CFAP299: variants seen among roughly 807,000 people sequenced by gnomAD.
CFAP299 encodes the protein cilia- and flagella-associated protein 299.
In CFAP299, 21 loss-of-function variants were observed where a neutral mutation model predicts 27.0. The observed-to-expected ratio is 0.78, with a 90% CI of 0.55 to 1.12. The LOEUF (loss-of-function observed/expected upper bound fraction) is 1.12, where lower values mean the gene tolerates loss of function less well. Among genes scored for constraint, CFAP299 ranks in the 50% most tolerant of loss-of-function variants. The pLI is 0.00. For missense variants in CFAP299, 310 were observed against 276.6 expected, an observed-to-expected ratio of 1.12 and a Z score of -0.86; for synonymous variants, 104 against 98.1, an observed-to-expected ratio of 1.06 and a Z score of -0.36.
At chr4:80,401,694 C>T (rs1376567969) in intron 2 of CFAP299, among the ~76,000 whole-genome samples, 1 of 152,170 alleles carries the variant, frequency 6.6e-6, no homozygotes, top group East Asian at 1.9e-4. Context: ...GAGCCCTCCC[C>T]AAGCAGAGTC....
intron 5 of CFAP299, among the ~76,000 whole-genome samples, chr4:80,947,286 C>T (rs989928346): frequency 4.6e-5 from 7 of 151,984 alleles, no homozygotes; most frequent in African/African-American, 1.5e-4. Flanking sequence ...AATTATTAGG[C>T]GAGACATACA....
At chr4:80,939,278 T>C (rs1284940932) in intron 4 of CFAP299, among the ~76,000 whole-genome samples, 2 of 152,226 alleles carry the variant, frequency 1.3e-5, no homozygotes, top group Non-Finnish European at 2.9e-5. Flanking sequence ...TCTTTTTCTC[T>C]GTTCCTTCTG....
At chr4:80,396,792 T>C (rs1725821081) in intron 2 of CFAP299, among the ~76,000 whole-genome samples, 2 of 152,236 alleles carry the variant, frequency 1.3e-5, no homozygotes, top group South Asian at 2.1e-4. Context: ...AGTATTTTAC[T>C]GAGGATTTTA....
chr4:80,518,498 A>G (rs1377630546), intron 2 of CFAP299, among the ~76,000 whole-genome samples: 1 of 152,212 alleles, frequency 6.6e-6, no homozygotes, highest in Admixed American at 6.5e-5. Flanking sequence ...GGGCAAGAAC[A>G]TAAAGAAAAT....
At chr4:80,850,225 C>T (rs1578181146) in intron 3 of CFAP299, among the ~76,000 whole-genome samples, 2 of 139,258 alleles carry the variant, frequency 1.4e-5, no homozygotes, top group South Asian at 2.4e-4. Flanking sequence ...AGCTTTATGG[C>T]GGTGGGGGGG....
chr4:80,861,890 ACT>A (rs1459481573), intron 3 of CFAP299, among the ~76,000 whole-genome samples: 1 of 151,960 alleles, frequency 6.6e-6, no homozygotes, highest in African/African-American at 2.4e-5. Context: ...TTTTTAATTC[ACT>A]CTTTTGGATT....
intron 3 of CFAP299, among the ~76,000 whole-genome samples, chr4:80,846,265 G>C (rs759695979): frequency 6.6e-6 from 1 of 152,176 alleles, no homozygotes; most frequent in African/African-American, 2.4e-5. Context: ...GTTTCAAAGG[G>C]ATAAGAGAAG....
intron 4 of CFAP299, among the ~76,000 whole-genome samples, chr4:80,882,706 A>G (rs952076470): frequency 6.6e-6 from 1 of 152,286 alleles, no homozygotes; most frequent in Non-Finnish European, 1.5e-5. Context: ...TAATCACCAT[A>G]AGACTATAAG....
intron 3 of CFAP299, 53 bp downstream of exon 3, chr4:80,583,236 A>G (rs1001476675): frequency 1.0e-6 from 1 of 1,001,602 alleles, no homozygotes; most frequent in African/African-American, 1.7e-5. Context: ...TGCACAATTA[A>G]TATTAAAAAA....
chr4:80,888,446 A>G (rs770494421), intron 4 of CFAP299, among the ~76,000 whole-genome samples: 9 of 152,180 alleles, frequency 5.9e-5, no homozygotes, highest in South Asian at 2.1e-4. Context: ...GATTGGAAAT[A>G]TATGTGCACC....
chr4:80,372,281 A>G (rs1333719389), intron 2 of CFAP299, among the ~76,000 whole-genome samples: 3 of 152,202 alleles, frequency 2.0e-5, no homozygotes, highest in Non-Finnish European at 2.9e-5. Flanking sequence ...ATCTGCCCCC[A>G]TGATCCAATC....
At chr4:80,400,954 A>G (rs1726120339) in intron 2 of CFAP299, among the ~76,000 whole-genome samples, 1 of 152,210 alleles carries the variant, frequency 6.6e-6, no homozygotes, top group East Asian at 1.9e-4. Flanking sequence ...ATCTGGAGTA[A>G]AATGACTGTT....
At chr4:80,798,889 C>T (rs932495858) in intron 3 of CFAP299, among the ~76,000 whole-genome samples, 4 of 151,590 alleles carry the variant, frequency 2.6e-5, no homozygotes, top group African/African-American at 9.7e-5. Context: ...AAACAGTTAA[C>T]AGCAAGGATT....
chr4:80,568,746 T>A (rs1485467726), intron 2 of CFAP299, among the ~76,000 whole-genome samples: 1 of 152,030 alleles, frequency 6.6e-6, no homozygotes, highest in Non-Finnish European at 1.5e-5. Context: ...ATGGAGCACA[T>A]GATTTTTGAG....
chr4:80,796,070 C>A (rs1167417827), intron 3 of CFAP299, among the ~76,000 whole-genome samples: 1 of 152,192 alleles, frequency 6.6e-6, no homozygotes, highest in Non-Finnish European at 1.5e-5. Context: ...GGACTCAAAA[C>A]TGGCAGCCTT....
intron 2 of CFAP299, among the ~76,000 whole-genome samples, chr4:80,498,102 G>A (rs1220360386): frequency 6.6e-6 from 1 of 152,124 alleles, no homozygotes; most frequent in East Asian, 1.9e-4. Flanking sequence ...ACTCAGGATG[G>A]ATTAATGACT....
At chr4:80,499,203 A>G (rs945047007) in intron 2 of CFAP299, among the ~76,000 whole-genome samples, 1 of 152,170 alleles carries the variant, frequency 6.6e-6, no homozygotes, top group Non-Finnish European at 1.5e-5. Context: ...AGATTTACCC[A>G]TATAACACAT....
intron 3 of CFAP299, among the ~76,000 whole-genome samples, chr4:80,774,826 G>T (rs1488383525): frequency 1.3e-5 from 2 of 151,836 alleles, no homozygotes; most frequent in African/African-American, 2.4e-5. Context: ...TAGTGATTCT[G>T]CTTCTAAATA....
intron 1 of CFAP299, among the ~76,000 whole-genome samples, chr4:80,343,004 G>GA (rs1455881972): frequency 5.9e-5 from 9 of 151,764 alleles, no homozygotes; most frequent in Admixed American, 1.3e-4. Flanking sequence ...ATGGAAAACA[G>GA]AAAAAAGCAG....
Sources: allele counts gnomAD v4.1 joint callset (sites outside exome capture counted in the v4.1 genomes callset), GRCh38; gene constraint gnomAD v4.1.1; transcripts MANE v1.5; gene names NCBI Gene and HGNC (gene_info 2026-07-23, HGNC 2026-07-21).